The following LSM14A variants were observed in gnomAD, a reference collection of about 807,000 sequenced individuals.
LSM14A encodes protein LSM14 homolog A.
LSM14A carries 14 observed loss-of-function variants against 52.4 expected under a neutral mutation model. The ratio of observed to expected loss-of-function variants is 0.27; its 90% confidence interval spans 0.18 to 0.42. The LOEUF is 0.42. Among genes scored for constraint, LSM14A ranks in the 10% least tolerant of loss-of-function variants. The probability of loss-of-function intolerance (pLI) is 1.00; values close to 1 mark genes in which losing one functional copy is unlikely to be tolerated. For synonymous variants in LSM14A, 185 were observed against 200.3 expected (o/e 0.92, Z 0.64); for missense variants, 417 against 581.8 (o/e 0.72, Z 2.91).
chr19:34,203,789 C>T (rs661157), intron 3 of LSM14A, among the ~76,000 whole-genome samples: 189 of 132,240 alleles, frequency 1.4e-3, no homozygotes, highest in African/African-American at 5.4e-3. Flanking sequence ...AGCAACAGAG[C>T]GAGACCCTGT....
At chr19:34,217,329 T>C (rs188526058) in intron 6 of LSM14A, among the ~76,000 whole-genome samples, 2 of 151,914 alleles carry the variant, frequency 1.3e-5, no homozygotes, top group African/African-American at 4.8e-5. Flanking sequence ...TAGTTTTCTT[T>C]TATGATTATT....
chr19:34,190,676 G>A (rs1250870213), intron 1 of LSM14A, among the ~76,000 whole-genome samples: 4 of 151,984 alleles, frequency 2.6e-5, no homozygotes, highest in Non-Finnish European at 5.9e-5. Context: ...AAAATGTTGT[G>A]ATATACTGTT....
At chr19:34,176,762 A>G (rs1016593945) in intron 1 of LSM14A, among the ~76,000 whole-genome samples, 9 of 152,352 alleles carry the variant, frequency 5.9e-5, no homozygotes, top group Admixed American at 3.9e-4. Context: ...GCACTGGTGC[A>G]TGTTTATTTC....
intron 1 of LSM14A, among the ~76,000 whole-genome samples, chr19:34,175,223 T>G (rs1371432726): frequency 1.3e-5 from 2 of 152,004 alleles, no homozygotes; most frequent in Non-Finnish European, 2.9e-5. Context: ...ATATGCTTTT[T>G]CTTTTTCTTT....
chr19:34,188,012 A>G (rs1012991144), intron 1 of LSM14A, among the ~76,000 whole-genome samples: 3 of 152,208 alleles, frequency 2.0e-5, no homozygotes, highest in South Asian at 4.1e-4. Flanking sequence ...GCTGGGCATC[A>G]TGGCTCACAC....
chr19:34,200,310 C>T (rs1321630455), intron 3 of LSM14A, among the ~76,000 whole-genome samples: 1 of 152,156 alleles, frequency 6.6e-6, no homozygotes, highest in African/African-American at 2.4e-5. Context: ...AAAAAGTTGG[C>T]GTGTTTGTTT....
At chr19:34,176,038 C>T (rs2482995) in intron 1 of LSM14A, among the ~76,000 whole-genome samples, 1 of 151,992 alleles carries the variant, frequency 6.6e-6, no homozygotes, top group Non-Finnish European at 1.5e-5. Flanking sequence ...TGAGTAGAGA[C>T]GGGGTTTCAC....
At chr19:34,217,993 C>CTT (rs56321625) in intron 6 of LSM14A, among the ~76,000 whole-genome samples, 5 of 108,170 alleles carry the variant, frequency 4.6e-5, no homozygotes, top group South Asian at 3.0e-4. Flanking sequence ...TACCCAAAAC[C>CTT]TTTTTTTTTT....
chr19:34,195,669 T>C (rs1183863780), intron 2 of LSM14A, among the ~76,000 whole-genome samples: 1 of 152,220 alleles, frequency 6.6e-6, no homozygotes, highest in Non-Finnish European at 1.5e-5. Context: ...AAGCCTGAAG[T>C]GGAAATGTGA....
intron 6 of LSM14A, among the ~76,000 whole-genome samples, chr19:34,218,257 G>A (rs1056080703): frequency 6.6e-6 from 1 of 152,136 alleles, no homozygotes; most frequent in Non-Finnish European, 1.5e-5. Context: ...GCCCGCCCCG[G>A]CCTCCCAAAG....
At chr19:34,196,549 C>A in intron 2 of LSM14A, 85 bp from the exon 3 acceptor site, 1 of 1,351,884 alleles carries the variant, frequency 7.4e-7, no homozygotes, top group Non-Finnish European at 9.9e-7. Context: ...TAATAGTTTT[C>A]TTAAAAGTAA....
chr19:34,192,316 G>GGTTTTTTTTTT (rs1341848304), intron 1 of LSM14A, among the ~76,000 whole-genome samples: 1 of 65,822 alleles, frequency 1.5e-5, no homozygotes, highest in Non-Finnish European at 2.9e-5. Flanking sequence ...CATTCTTTTT[G>GGTTTTTTTTTT]TTGTTTTTTT....
At chr19:34,216,141 C>T (rs974475865) in intron 6 of LSM14A, among the ~76,000 whole-genome samples, 2 of 152,108 alleles carry the variant, frequency 1.3e-5, no homozygotes, top group African/African-American at 2.4e-5. Flanking sequence ...GGGCCCGGCA[C>T]AGTGGCTCAC....
At chr19:34,175,038 GAGTC>G (rs1221911186) in intron 1 of LSM14A, among the ~76,000 whole-genome samples, 1 of 152,070 alleles carries the variant, frequency 6.6e-6, no homozygotes, top group African/African-American at 2.4e-5. Flanking sequence ...GCAGCTTTTA[GAGTC>G]AGTATTTCAT....
At position 34,219,873 on chromosome 19, in the gene LSM14A, A is replaced by G; in HGVS notation, c.1132A>G (p.Asn378Asp). The G allele has an allele frequency of 6.2e-7, 1 of 1,603,080 alleles. No individual in the cohort carries two copies. The highest frequency in any genetic ancestry group is 1.1e-5 in the South Asian group (1 of 89,974). Residue 378 changes from asparagine to aspartate, a missense_variant, in exon 8 of 10, where the codon AAT (asparagine) becomes GAT (aspartate). By Grantham distance (23) the Asn-to-Asp change is conservative. Coordinates refer to ENST00000544216, the MANE Select transcript of LSM14A (RefSeq NM_015578.4). The part of the protein sequence containing the change: ...SFFDNISCDD[N>D]RERRPTWAEE... ...CTTTGATAATATTTCTTGTGATGAC[A>G]ATAGGTACAGTTTTTAAGCTGTTCT...
intron 6 of LSM14A, among the ~76,000 whole-genome samples, chr19:34,217,737 C>T (rs2072759879): frequency 6.9e-6 from 1 of 145,872 alleles, no homozygotes; most frequent in African/African-American, 2.5e-5. Flanking sequence ...TCATGCCATT[C>T]TCCTGCCTCA....
rs184387294 is a variant in LSM14A, at chr19:34,184,148, C to T, written c.122-10330C>T. Among the ~76,000 whole-genome samples the T allele has an allele frequency of 1.7e-4, 26 of 151,564 alleles. No individual in the cohort carries two copies. The East Asian group carries it at 3.5e-3, about 20-fold the overall frequency. ...TTGGCTCACTGCAGCTTCTGCCTCC[C>T]GGGTTCAAGTGATTCTCCTACCTCA... On this transcript the variant is annotated intron_variant, in intron 1 of 9. Transcript: ENST00000544216.
rs1347261797 is a variant in LSM14A, at chr19:34,196,757, G to A, written c.409G>A (p.Gly137Ser). The A allele has an allele frequency of 2.2e-5, 35 of 1,597,562 alleles. No individual in the cohort carries two copies. Among genetic ancestry groups the A allele is most frequent in the Non-Finnish European group, 2.9e-5 (34 of 1,175,710 alleles). Reference protein sequence around the residue: ...SLVGQQFGAVGVAGSSLTSFG... With the variant: ...SLVGQQFGAVSVAGSSLTSFG... ...AGTTGGGCAGCAGTTTGGTGCTGTT[G>A]GTGTTGGTATGTTTTCTTTTTCTTT... The change falls in exon 3 of 10, where the codon GGT (glycine) becomes AGT (serine). Residue 137 changes from glycine (G) to serine (S), a missense_variant. This residue lies in a region of LSM14A where 357 missense variants were observed against 457.0 expected (regional missense o/e 0.78). Coordinates refer to ENST00000544216, the MANE Select transcript of LSM14A (RefSeq NM_015578.4).
intron 8 of LSM14A, among the ~76,000 whole-genome samples, chr19:34,221,129 CTG>C (rs1431687871): frequency 6.9e-6 from 1 of 143,956 alleles, no homozygotes; most frequent in Non-Finnish European, 1.5e-5. Context: ...GTCACCCAGA[CTG>C]TAGTGCAGTG....
Sources: gnomAD v4.1 joint callset for allele counts (sites outside exome capture counted in the v4.1 genomes callset) on GRCh38, gnomAD v4.1.1 for gene constraint, gnomAD v4.1.1 regional missense constraint, MANE v1.5 for transcripts, NCBI Gene and HGNC (gene_info 2026-07-23, HGNC 2026-07-21) for gene names.